SORBS3: variants seen among roughly 807,000 people sequenced by gnomAD.
SORBS3 encodes vinexin.
A neutral mutation model predicts 98.0 loss-of-function variants in SORBS3; 69 were observed. That is an observed-to-expected ratio of 0.70 (90% CI 0.58 to 0.86). SORBS3 has a LOEUF of 0.86. Among genes scored for constraint, SORBS3 ranks in the 40% least tolerant of loss-of-function variants. The probability of loss-of-function intolerance (pLI) is 0.00; values close to 1 mark genes in which losing one functional copy is unlikely to be tolerated. For synonymous variants in SORBS3, 394 were observed against 355.4 expected (o/e 1.11, Z -1.22); for missense variants, 954 against 908.5 (o/e 1.05, Z -0.64).
rs1211657878 is a variant in SORBS3 at position 22,562,015 on chromosome 8, A to AGCCG, written c.584+87_584+90dup. ...GGGACGGGCGCCCCCTCGTGACCACAGCCGGCACAGCCTCGGAGCCCAGCC... is the reference window on the plus strand; with the variant it reads ...GGGACGGGCGCCCCCTCGTGACCACAGCCGGCCGGCACAGCCTCGGAGCCCAGCC... On this transcript the variant is annotated intron_variant, in intron 7 of 20. Transcript: ENST00000240123. The AGCCG allele has an allele frequency of 2.0e-5, 26 of 1,291,652 alleles. No homozygotes were observed. In the African/African-American group the frequency reaches 2.0e-4, roughly 10 times the overall value. 80.0% of individuals were successfully genotyped at this position (1,291,652 alleles called of 1,614,324 possible). A position where few individuals can be genotyped will look rare whatever the true frequency, so the allele number is the denominator to read the frequency against.
rs759872054 is a variant in SORBS3, at chr8:22,574,837, C to T, written c.*109C>T. ...TCCTCCTTCCCCAGGACCTGAGCTC[C>T]CAGCATCTGCAGACGACCCCCGCAG... On this transcript the variant is annotated 3_prime_UTR_variant, in exon 21 of 21. Coordinates refer to ENST00000240123, the MANE Select transcript of SORBS3 (RefSeq NM_005775.5). 8 of 1,090,646 alleles carry T rather than the reference C, an allele frequency of 7.3e-6. No homozygotes were observed. Among genetic ancestry groups the T allele is most frequent in the Non-Finnish European group, 1.1e-5 (8 of 709,042 alleles). The allele number at this position is 1,090,646 out of a possible 1,614,324, so 67.6% of individuals were successfully genotyped here. A position where few individuals can be genotyped will look rare whatever the true frequency, so the allele number is the denominator to read the frequency against.
At chr8:22,561,970 C>T in intron 7 of SORBS3, 39 bp downstream of exon 7, 3 of 1,598,702 alleles carry the variant, frequency 1.9e-6, no homozygotes, top group East Asian at 2.2e-5. Flanking sequence ...TGCGGAGGGG[C>T]GCGGCCCGCG....
chr8:22,565,480 C>T, intron 11 of SORBS3, 126 bp downstream of exon 11: 2 of 761,114 alleles, frequency 2.6e-6, no homozygotes, highest in Non-Finnish European at 3.8e-6. Flanking sequence ...GCGGCGCGCA[C>T]CGGCCTCGGG....
intron 7 of SORBS3, among the ~76,000 whole-genome samples, chr8:22,562,963 C>A (rs538822277): frequency 1.8e-4 from 27 of 152,144 alleles, no homozygotes; most frequent in African/African-American, 6.5e-4. Context: ...AAAAACAATA[C>A]AAAAAATTAG....
chr8:22,571,694 C>T lies in SORBS3; in HGVS notation c.1744-24C>T, dbSNP rs1299083735. The T allele has an allele frequency of 2.6e-6, 4 of 1,557,336 alleles. No homozygotes were observed. In the East Asian group the frequency reaches 9.0e-5, roughly 35 times the overall value. ...CCCATCGTCTTCCTCCCTCTGACAT[C>T]CCTTTCTTCCTGTCAACTCCCAGAA... On this transcript the variant is annotated intron_variant, in intron 18 of 20. Coordinates refer to ENST00000240123, the MANE Select transcript of SORBS3 (RefSeq NM_005775.5).
In SORBS3 at chr8:22,573,359, A is replaced by T. The variant is rs772179401; in HGVS notation, c.1954+913A>T. ...ACCTATGCAGACAAGAAGAAAAAGT[A>T]CCACTTTTGTATTAGGAGCCACAAG... On this transcript the variant is annotated intron_variant, in intron 20 of 20. Transcript: ENST00000240123. 370 of 456,284 alleles carry T rather than the reference A, an allele frequency of 8.1e-4. 3 individuals carry two copies. Among genetic ancestry groups the T allele is most frequent in the African/African-American group, 6.9e-3 (348 of 50,198 alleles). 28.3% of individuals were successfully genotyped at this position (456,284 alleles called of 1,614,324 possible).
At chr8:22,551,175 G>A (rs1422475392), upstream of SORBS3, among the ~76,000 whole-genome samples, 1 of 152,208 alleles carries the variant, frequency 6.6e-6, no homozygotes, top group Non-Finnish European at 1.5e-5. The surrounding 1 kb of genome is among the most constrained non-coding windows in gnomAD (Gnocchi z 5.8). Flanking sequence ...CACGCCCGGG[G>A]GGGCCGCTCC....
In SORBS3 at chr8:22,571,734, G is replaced by T. The variant is rs1368811834; in HGVS notation, c.1760G>T (p.Gly587Val). Residue 587 changes from glycine to valine, a missense_variant, in exon 19 of 21, where the codon GGT becomes GTT. By Grantham distance (109) the Gly-to-Val change is moderately radical. Coordinates refer to ENST00000240123, the MANE Select transcript of SORBS3 (RefSeq NM_005775.5). ...AACTCCCAGAATCTTGGCACCCCTGGTCCAGCTCTGTCCCACTCTCGAGGT... is the reference window on the plus strand; with the variant it reads ...AACTCCCAGAATCTTGGCACCCCTGTTCCAGCTCTGTCCCACTCTCGAGGT... ...RPQTQNLGTP[G>V]PALSHSRGPS... is the part of the protein sequence containing the mutation. The T allele has an allele frequency of 5.0e-6, 8 of 1,613,742 alleles. No homozygotes were observed. The highest frequency in any genetic ancestry group is 6.8e-6 in the Non-Finnish European group (8 of 1,179,800).
In SORBS3 at chr8:22,554,799, A is replaced by G. The variant is rs1840153830; in HGVS notation, c.103-64A>G. On this transcript the variant is annotated intron_variant, in intron 2 of 20. Coordinates refer to ENST00000240123, the MANE Select transcript of SORBS3 (RefSeq NM_005775.5). The surrounding 1 kb of genome is among the most constrained non-coding windows in gnomAD (Gnocchi z 6.5). ...TCACCGAGGGGTGTGGGCTGTGCCT[A>G]GTAGCCATCCCTCCCTCCCGCCCTG... 6.8e-7 allele frequency: 1 copy of G among 1,475,720 alleles called. No individual in the cohort carries two copies. Among genetic ancestry groups the G allele is most frequent in the Non-Finnish European group, 9.4e-7 (1 of 1,066,592 alleles). The allele number at this position is 1,475,720 out of a possible 1,614,324, so 91.4% of individuals were successfully genotyped here. A position where few individuals can be genotyped will look rare whatever the true frequency, so the allele number is the denominator to read the frequency against.
rs1160157516 is a variant in SORBS3 at position 22,575,391 on chromosome 8, T to A, written c.*663T>A. On this transcript the variant is annotated 3_prime_UTR_variant, in exon 21 of 21. Transcript: ENST00000240123. ...CCAGGCACCACTAGCCTGGCTCAAA[T>A]ATTCCCCAGGGAGACTGCTGTGTGC... 1 of 167,374 alleles carries A rather than the reference T, an allele frequency of 6.0e-6. No individual in the cohort carries two copies. Among genetic ancestry groups the A allele is most frequent in the Non-Finnish European group, 1.3e-5 (1 of 77,678 alleles). The allele number at this position is 167,374 out of a possible 1,614,324, so 10.4% of individuals were successfully genotyped here.
At chr8:22,559,147 A>G (rs1840244125) in intron 5 of SORBS3, among the ~76,000 whole-genome samples, 1 of 152,186 alleles carries the variant, frequency 6.6e-6, no homozygotes, top group Non-Finnish European at 1.5e-5. Flanking sequence ...TGGTGGAACC[A>G]GTTCCCTTGC....
At chr8:22,547,995 G>A (rs760233300), upstream of SORBS3, among the ~76,000 whole-genome samples, 1 of 152,184 alleles carries the variant, frequency 6.6e-6, no homozygotes, top group East Asian at 1.9e-4. Context: ...CTATGGAAAG[G>A]TCTGTGCCAG....
Position 22,556,865 on chromosome 8 carries a change from T to G in SORBS3, c.371T>G (p.Ile124Ser). 6.2e-7 allele frequency: 1 copy of G among 1,613,228 alleles called. No individual in the cohort carries two copies. Among genetic ancestry groups the G allele is most frequent in the Non-Finnish European group, 8.5e-7 (1 of 1,179,996 alleles). Residue 124 changes from isoleucine to serine, a missense_variant, in exon 4 of 21, where the codon ATC becomes AGC. Ile to Ser is a moderately radical substitution (Grantham distance 142). Transcript: ENST00000240123. ...AAGCGCTGGGTCAAGTACGAGGGAATCGGGCCCGTGGACGAGAGCGGCATG... is the reference window on the plus strand; with the variant it reads ...AAGCGCTGGGTCAAGTACGAGGGAAGCGGGCCCGTGGACGAGAGCGGCATG... ...RDKRWVKYEGIGPVDESGMPI... is the reference protein window; with the variant it reads ...RDKRWVKYEGSGPVDESGMPI...
At chr8:22,572,894 C>G (rs879458493) in intron 20 of SORBS3, among the ~76,000 whole-genome samples, 5 of 152,236 alleles carry the variant, frequency 3.3e-5, no homozygotes, top group Non-Finnish European at 7.3e-5. Context: ...CCAAGGGCAG[C>G]TCTGACCAAG....
Position 22,575,516 on chromosome 8 carries a change from C to T in SORBS3, c.*788C>T, listed in dbSNP as rs1840712371. The T allele has an allele frequency of 2.0e-5, 3 of 153,622 alleles. 1 individual carries two copies. In the Admixed American group the frequency reaches 2.0e-4, roughly 10 times the overall value. 9.5% of individuals were successfully genotyped at this position (153,622 alleles called of 1,614,324 possible). ...AGGGACCTTGTCTCTGCGGCCTTTT[C>T]CTTGGGGTAGGGGATGCCTCCTCCT... On this transcript the variant is annotated 3_prime_UTR_variant, in exon 21 of 21. Coordinates refer to ENST00000240123, the MANE Select transcript of SORBS3 (RefSeq NM_005775.5).
Position 22,554,828 on chromosome 8 carries a change from G to A in SORBS3, c.103-35G>A, listed in dbSNP as rs768507541. ...GCCATCCCTCCCTCCCGCCCTGCTG[G>A]GCCCTGAGCTGCCGCTCCTGGCCCC... On this transcript the variant is annotated intron_variant, in intron 2 of 20. Transcript: ENST00000240123. This position sits in a 1 kb window ranked among gnomAD's most constrained non-coding sequence, Gnocchi z 6.5. 5.1e-6 allele frequency: 8 copies of A among 1,555,178 alleles called. No homozygotes were observed. The highest frequency in any genetic ancestry group is 2.2e-5 in the East Asian group (1 of 44,652).
Position 22,566,664 on chromosome 8 carries a change from C to T in SORBS3, c.1094C>T (p.Pro365Leu), listed in dbSNP as rs778240076. 1.9e-6 allele frequency: 3 copies of T among 1,607,758 alleles called. No homozygotes were observed. The highest frequency in any genetic ancestry group is 1.3e-5 in the African/African-American group (1 of 74,440). ...CTGAGGTTGTGCTTCTCCACAGACC[C>T]TAGTGCCTCTAACGGAGGGGGCAGC... ...DFVYPSSTRD[P>L]SASNGGGSPA... The change falls in exon 14 of 21, where the codon CCT becomes CTT. Residue 365 changes from proline to leucine, a missense_variant. Transcript: ENST00000240123.
At chr8:22,546,503 T>C (rs1441836374) in intron 1 of SORBS3, among the ~76,000 whole-genome samples, 4 of 152,170 alleles carry the variant, frequency 2.6e-5, no homozygotes, top group African/African-American at 9.7e-5. Flanking sequence ...CCACAACGTG[T>C]TTCTGTTTCT....
chr8:22,565,940 C>T (rs1031094933), intron 12 of SORBS3, 68 bp downstream of exon 12: 1 of 1,088,230 alleles, frequency 9.2e-7, no homozygotes, highest in Non-Finnish European at 1.2e-6. Context: ...GTGGCGCGGC[C>T]GGGCGGGGCG....
Sources: allele counts gnomAD v4.1 joint callset (sites outside exome capture counted in the v4.1 genomes callset), GRCh38; gene constraint gnomAD v4.1.1; non-coding constraint Gnocchi (gnomAD v3.1); transcripts MANE v1.5; gene names NCBI Gene and HGNC (gene_info 2026-07-23, HGNC 2026-07-21).